Variants in DMD observed in about 807,000 individuals in gnomAD.
DMD encodes dystrophin.
A neutral mutation model predicts 330.1 loss-of-function variants in DMD; 63 were observed. That is an observed-to-expected ratio of 0.19 (90% CI 0.16 to 0.24). The LOEUF (loss-of-function observed/expected upper bound fraction) is 0.24. Ranked by LOEUF, DMD falls within the 10% of genes least tolerant of loss-of-function variation. The pLI is 1.00. For synonymous variants in DMD, 1,223 were observed against 959.8 expected, an observed-to-expected ratio of 1.27 and a Z score of -5.07; for missense variants, 3,344 against 2,684.1, an observed-to-expected ratio of 1.25 and a Z score of -5.43.
At chrX:31,240,475 T>TA (rs2048139240) in intron 63 of DMD, among the ~76,000 whole-genome samples, 1 of 111,878 alleles carries the variant, frequency 8.9e-6, no homozygotes, top group African/African-American at 3.2e-5. Flanking sequence ...GCACTTTTTT[T>TA]AATGATTGAG....
chrX:32,233,855 C>T (rs1204871219), intron 43 of DMD, among the ~76,000 whole-genome samples: 2 of 109,874 alleles, frequency 1.8e-5, no homozygotes, highest in Admixed American at 2.0e-4. Context: ...GTCTCGAACT[C>T]CCGACCTCAG....
chrX:31,968,298 C>T lies in DMD; in HGVS notation c.6614+41G>A, dbSNP rs745508014. ...TTCTTCTAAAGAAAGCTTAAAAAGT[C>T]TGCTAAAATGTTTTCATTCCTATTA... On this transcript the variant is annotated intron_variant, in intron 45 of 78. Coordinates refer to ENST00000357033, the MANE Select transcript of DMD (RefSeq NM_004006.3). 25 of 1,194,870 alleles carry T rather than the reference C, an allele frequency of 2.1e-5. No individual in the cohort carries two copies. In the Admixed American group the frequency reaches 5.2e-4, roughly 25 times the overall value.
chrX:32,739,582 AAAT>A lies in DMD; in HGVS notation c.650-40292_650-40290del, dbSNP rs1181915298. Among the ~76,000 whole-genome samples the A allele has an allele frequency of 2.7e-5, 3 of 111,968 alleles. No homozygotes were observed. The Admixed American group carries it at 2.9e-4, about 11-fold the overall frequency. The stretch of plus-strand genomic sequence containing the variant: ...TAATTAAATTCCACCAGAGGAAAAG[AAAT>A]AATACAGCAATTTTGGGAAATTATT... On this transcript the variant is annotated intron_variant, in intron 7 of 78. Transcript: ENST00000357033.
chrX:31,185,949 A>G (rs1209353926), intron 67 of DMD, among the ~76,000 whole-genome samples: 2 of 111,915 alleles, frequency 1.8e-5, no homozygotes, highest in Non-Finnish European at 3.8e-5. Flanking sequence ...ATGACATGGG[A>G]ATACTTAGTA....
At position 32,637,000 on chromosome X, in the gene DMD, AAAAAAG is replaced by A. The variant is rs750481887; in HGVS notation, c.1331+7126_1331+7131del. Among the ~76,000 whole-genome samples the A allele has an allele frequency of 9.0e-5, 10 of 110,924 alleles. No homozygotes were observed. In the East Asian group the frequency reaches 2.5e-3, roughly 28 times the overall value. Reference sequence around the variant, plus strand: ...GAGACAGGGAGACTCTGTCTCAAAAAAAAAAGAAAAAGAAAAAGAAAAAGATTCTTG... The same window carrying A: ...GAGACAGGGAGACTCTGTCTCAAAAAAAAAAGAAAAAGAAAAAGATTCTTG... On this transcript the variant is annotated intron_variant, in intron 11 of 78. Coordinates refer to ENST00000357033, the MANE Select transcript of DMD (RefSeq NM_004006.3).
intron 2 of DMD, among the ~76,000 whole-genome samples, chrX:32,979,520 A>G (rs1199293813): frequency 9.0e-6 from 1 of 111,456 alleles, no homozygotes; most frequent in Non-Finnish European, 1.9e-5. Context: ...TTAGAGGAAT[A>G]AAATTATAAT....
chrX:31,444,457 C>T (rs1253146362), intron 60 of DMD, 24 bp downstream of exon 60: 8 of 1,208,421 alleles, frequency 6.6e-6, no homozygotes, highest in Admixed American at 2.2e-5. Flanking sequence ...TAACAAAGGA[C>T]AACAATGTTT....
chrX:32,132,988 C>CTTTTTTTTTTT (rs1569545918), intron 44 of DMD, among the ~76,000 whole-genome samples: 2 of 15,053 alleles, frequency 1.3e-4, no homozygotes, highest in African/African-American at 4.1e-4. Flanking sequence ...CACTCCTTTT[C>CTTTTTTTTTTT]TTTTCTTTTT....
chrX:31,257,167 A>C (rs1450508458), intron 63 of DMD, among the ~76,000 whole-genome samples: 1 of 107,987 alleles, frequency 9.3e-6, no homozygotes, highest in Non-Finnish European at 1.9e-5. Flanking sequence ...ACTTTGGCAA[A>C]TTAGAGAATG....
intron 1 of DMD, among the ~76,000 whole-genome samples, chrX:33,185,815 A>G (rs17341267): frequency 0.2 from 22,080 of 111,200 alleles, 2,144 homozygotes; most frequent in East Asian, 0.51. Flanking sequence ...GAATTCCAAC[A>G]TATGCTTCAT....
intron 55 of DMD, among the ~76,000 whole-genome samples, chrX:31,580,807 T>C (rs12687010): frequency 0.065 from 7,230 of 110,602 alleles, 191 homozygotes; most frequent in African/African-American, 0.1. Context: ...TAATTTCTCT[T>C]TCTCTCTCTC....
chrX:32,543,207 A>T (rs2048650098), intron 17 of DMD, among the ~76,000 whole-genome samples: 1 of 111,578 alleles, frequency 9.0e-6, no homozygotes, highest in Non-Finnish European at 1.9e-5. Context: ...TATGTGCCCA[A>T]TGGGACTTCT....
At chrX:31,992,454 C>T (rs1038730326) in intron 44 of DMD, among the ~76,000 whole-genome samples, 2 of 111,528 alleles carry the variant, frequency 1.8e-5, no homozygotes. Flanking sequence ...GATGATGATG[C>T]TACGTTTCTG....
chrX:32,573,488 A>T, intron 15 of DMD, 42 bp downstream of exon 15: 1 of 1,009,376 alleles, frequency 9.9e-7, no homozygotes, highest in Non-Finnish European at 1.4e-6. Context: ...AATATACAGT[A>T]CTGGGTTTTT....
At chrX:33,004,180 T>C (rs908010587) in intron 2 of DMD, among the ~76,000 whole-genome samples, 2 of 111,788 alleles carry the variant, frequency 1.8e-5, no homozygotes, top group African/African-American at 3.2e-5. Flanking sequence ...TCCAATAAAA[T>C]GACAGGAAGA....
intron 19 of DMD, among the ~76,000 whole-genome samples, chrX:32,491,983 G>C: frequency 9.0e-6 from 1 of 111,085 alleles, no homozygotes; most frequent in Non-Finnish European, 1.9e-5. Context: ...TATTTTCATA[G>C]TTTTAAAAAG....
At chrX:32,435,298 T>TATATATATA (rs1158324376) in intron 29 of DMD, among the ~76,000 whole-genome samples, 4 of 61,683 alleles carry the variant, frequency 6.5e-5, no homozygotes, top group East Asian at 1.3e-3. Flanking sequence ...ATATATATAT[T>TATATATATA]TACACCCATA....
intron 59 of DMD, among the ~76,000 whole-genome samples, chrX:31,454,388 C>T (rs1281102264): frequency 5.4e-5 from 6 of 111,904 alleles, no homozygotes; most frequent in Non-Finnish European, 9.4e-5. Context: ...ATGATCCACC[C>T]GCCTCGGCCT....
intron 60 of DMD, among the ~76,000 whole-genome samples, chrX:31,408,863 C>T (rs1023237270): frequency 9.0e-6 from 1 of 111,665 alleles, no homozygotes; most frequent in Non-Finnish European, 1.9e-5. Flanking sequence ...TATACATGTG[C>T]CATGCTGGTG....
Sources: gnomAD v4.1 joint callset for allele counts (sites outside exome capture counted in the v4.1 genomes callset) on GRCh38, gnomAD v4.1.1 for gene constraint, MANE v1.5 for transcripts, NCBI Gene and HGNC (gene_info 2026-07-23, HGNC 2026-07-21) for gene names.